The following LRRIQ1 variants were observed in gnomAD, a reference collection of about 807,000 sequenced individuals.
LRRIQ1 encodes the protein leucine rich repeats and IQ motif containing 1.
A neutral mutation model predicts 211.9 loss-of-function variants in LRRIQ1; 210 were observed. That is an observed-to-expected ratio of 0.99 (90% confidence interval 0.89 to 1.11). The LOEUF (loss-of-function observed/expected upper bound fraction) is 1.11. Among genes scored for constraint, LRRIQ1 ranks in the 50% most tolerant of loss-of-function variants. The pLI is 0.00. For missense variants in LRRIQ1, 2,136 were observed against 1,939.5 expected (o/e 1.10, Z -1.90); for synonymous variants, 699 against 650.1 (o/e 1.08, Z -1.14).
chr12:85,054,794 C>T (rs1880784871), intron 7 of LRRIQ1, among the ~76,000 whole-genome samples: 1 of 150,644 alleles, frequency 6.6e-6, no homozygotes. Flanking sequence ...AAATTTTTAT[C>T]TAGTTTATTT....
chr12:85,111,304 T>A (rs148420790), intron 15 of LRRIQ1, among the ~76,000 whole-genome samples: 149 of 152,246 alleles, frequency 9.8e-4, no homozygotes, highest in African/African-American at 3.4e-3. Context: ...CAGGTGGCAG[T>A]CATCACTTCA....
chr12:85,063,485 T>C (rs1457406920), intron 8 of LRRIQ1, among the ~76,000 whole-genome samples: 3 of 151,704 alleles, frequency 2.0e-5, no homozygotes, highest in African/African-American at 7.3e-5. Context: ...AATAATCACA[T>C]TATAGTAGAT....
At chr12:85,182,325 A>G (rs1043573014) in intron 24 of LRRIQ1, among the ~76,000 whole-genome samples, 1 of 152,178 alleles carries the variant, frequency 6.6e-6, no homozygotes, top group Non-Finnish European at 1.5e-5. Flanking sequence ...AAAATGTTGA[A>G]GAAATAGAAA....
chr12:85,074,374 G>T (rs890798719), intron 11 of LRRIQ1, among the ~76,000 whole-genome samples: 5 of 151,900 alleles, frequency 3.3e-5, no homozygotes, highest in African/African-American at 1.2e-4. Flanking sequence ...ACATAGGCAT[G>T]CAATGTGAAA....
At chr12:85,129,667 G>A (rs1361756894) in intron 18 of LRRIQ1, among the ~76,000 whole-genome samples, 1 of 152,186 alleles carries the variant, frequency 6.6e-6, no homozygotes. Context: ...CCATGATTTA[G>A]TAGCCTACTC....
intron 24 of LRRIQ1, among the ~76,000 whole-genome samples, chr12:85,206,948 T>C (rs2137047530): frequency 6.6e-6 from 1 of 152,220 alleles, no homozygotes; most frequent in South Asian, 2.1e-4. Flanking sequence ...AAGATGGGTG[T>C]CACTGACCTT....
intron 23 of LRRIQ1, among the ~76,000 whole-genome samples, chr12:85,158,147 A>G (rs1388080946): frequency 6.6e-6 from 1 of 151,926 alleles, no homozygotes; most frequent in Admixed American, 6.6e-5. Flanking sequence ...TCTGAATAGT[A>G]AAATCCTTGA....
chr12:85,152,727 A>C (rs1007894624), intron 20 of LRRIQ1, among the ~76,000 whole-genome samples: 1 of 151,690 alleles, frequency 6.6e-6, no homozygotes, highest in South Asian at 2.1e-4. Flanking sequence ...TCAGAGGTCA[A>C]TGGACTGCAA....
chr12:85,268,440 C>A (rs1363653776), downstream of LRRIQ1, among the ~76,000 whole-genome samples: 1 of 151,892 alleles, frequency 6.6e-6, no homozygotes, highest in Non-Finnish European at 1.5e-5. Context: ...ATGTTTCCAC[C>A]ACCAGGATCC....
At chr12:85,249,098 T>G (rs1004545748), downstream of LRRIQ1, among the ~76,000 whole-genome samples, 2 of 151,790 alleles carry the variant, frequency 1.3e-5, no homozygotes, top group Non-Finnish European at 2.9e-5. Flanking sequence ...CTCTAATATA[T>G]TGAAAGAGTA....
In LRRIQ1 at chr12:85,262,204, A is replaced by G. The variant is rs1233165920; in HGVS notation, c.122-711A>G. ...TTGTTTTTAACCTCTCAAAGTTTTTATTATATATAAATAATAATTTCTTCC... is the reference window on the plus strand; with the variant it reads ...TTGTTTTTAACCTCTCAAAGTTTTTGTTATATATAAATAATAATTTCTTCC... On this transcript the variant is annotated intron_variant, in intron 1 of 1. Transcript: ENST00000602731. Among the ~76,000 whole-genome samples the G allele has an allele frequency of 4.6e-5, 7 of 152,264 alleles. No homozygotes were observed. The Middle Eastern group carries it at 0.01, about 222-fold the overall frequency.
At position 85,073,040 on chromosome 12, in the gene LRRIQ1, T is replaced by G. The variant is rs1186000090; in HGVS notation, c.2829T>G (p.Ile943Met). Residue 943 changes from isoleucine to methionine, a missense_variant, in exon 11 of 27, where the codon ATT becomes ATG. Ile to Met is a conservative substitution (Grantham distance 10). Transcript: ENST00000393217. ...GATTATGTTGGTCCTGGATACCTAT[T>G]ACCTCACTTACAAAAAATTCAGATT... ...PTGLCWSWIPITSLTKNSDCN... is the reference protein window; with the variant it reads ...PTGLCWSWIPMTSLTKNSDCN... 1.2e-6 allele frequency: 2 copies of G among 1,611,104 alleles called. No individual in the cohort carries two copies. Among genetic ancestry groups the G allele is most frequent in the South Asian group, 2.2e-5 (2 of 90,746 alleles).
intron 15 of LRRIQ1, among the ~76,000 whole-genome samples, chr12:85,114,262 T>G (rs1205914414): frequency 6.6e-6 from 1 of 152,094 alleles, no homozygotes; most frequent in Non-Finnish European, 1.5e-5. Context: ...TTTTTCCTAG[T>G]AACTATACGG....
chr12:85,137,681 C>T (rs752272507), intron 18 of LRRIQ1, among the ~76,000 whole-genome samples, 169 bp from the exon 19 acceptor site: 2 of 151,430 alleles, frequency 1.3e-5, no homozygotes, highest in Non-Finnish European at 3.0e-5. Context: ...CACATGTCGT[C>T]GTTTAATTTA....
intron 2 of LRRIQ1, 99 bp downstream of exon 2, chr12:85,038,407 C>A: frequency 3.8e-6 from 3 of 792,738 alleles, no homozygotes; most frequent in Non-Finnish European, 3.5e-6. Flanking sequence ...TTTTTAGCAG[C>A]ATTGTTATAA....
At chr12:85,166,712 A>G (rs1891170308) in intron 24 of LRRIQ1, among the ~76,000 whole-genome samples, 1 of 152,226 alleles carries the variant, frequency 6.6e-6, no homozygotes, top group African/African-American at 2.4e-5. Context: ...GCCACAGGGC[A>G]TATGCAGGCA....
At chr12:85,098,033 GA>G (rs969972814) in intron 11 of LRRIQ1, among the ~76,000 whole-genome samples, 11 of 152,170 alleles carry the variant, frequency 7.2e-5, no homozygotes, top group Admixed American at 2.0e-4. Flanking sequence ...ATTCTTTTAA[GA>G]AAAAAGTCGT....
In LRRIQ1 at chr12:85,055,748, C is replaced by A; in HGVS notation, c.955C>A (p.Gln319Lys). 1 of 1,604,516 alleles carries A rather than the reference C, an allele frequency of 6.2e-7. No homozygotes were observed. The highest frequency in any genetic ancestry group is 1.7e-5 in the Admixed American group (1 of 58,882). The stretch of plus-strand genomic sequence containing the variant: ...AATTGAAAGTAAGAAAAGGAAAGCA[C>A]AAGAGTGGAAGGAAAAGGAAGCAAA... ...EQIESKKRKAQEWKEKEAKIR... is the reference protein window; with the variant it reads ...EQIESKKRKAKEWKEKEAKIR... Residue 319 changes from glutamine (Q) to lysine (K), a missense_variant, in exon 8 of 27, where the codon CAA (glutamine) becomes AAA (lysine). By Grantham distance (53) the Gln-to-Lys change is moderately conservative. Coordinates refer to ENST00000393217, the MANE Select transcript of LRRIQ1 (RefSeq NM_001079910.2).
intron 23 of LRRIQ1, among the ~76,000 whole-genome samples, chr12:85,158,376 C>T (rs1769807516): frequency 6.6e-6 from 1 of 151,618 alleles, no homozygotes; most frequent in Non-Finnish European, 1.5e-5. Flanking sequence ...TGAAATATTG[C>T]TAGTTATTCA....
Sources: gnomAD v4.1 joint callset for allele counts (sites outside exome capture counted in the v4.1 genomes callset) on GRCh38, gnomAD v4.1.1 for gene constraint, MANE v1.5 for transcripts, NCBI Gene and HGNC (gene_info 2026-07-23, HGNC 2026-07-21) for gene names.